TCF12: variants seen among roughly 807,000 people sequenced by gnomAD.
The protein encoded by TCF12 is DNA-binding protein HTF4.
TCF12 carries 45 observed loss-of-function variants against 86.0 expected under a neutral mutation model. The observed-to-expected ratio is 0.52, with a 90% confidence interval of 0.41 to 0.67. TCF12 has a LOEUF of 0.67. Among genes scored for constraint, TCF12 ranks in the 30% least tolerant of loss-of-function variants. The pLI is 0.00. For missense variants in TCF12, 881 were observed against 859.9 expected, an observed-to-expected ratio of 1.02 and a Z score of -0.31; for synonymous variants, 330 against 299.6, an observed-to-expected ratio of 1.10 and a Z score of -1.05.
intron 3 of TCF12, among the ~76,000 whole-genome samples, chr15:56,998,468 A>G (rs935644313): frequency 6.6e-6 from 1 of 152,058 alleles, no homozygotes; most frequent in South Asian, 2.1e-4. Flanking sequence ...AAAAAAAAAA[A>G]AAAAAAAAAT....
intron 4 of TCF12, among the ~76,000 whole-genome samples, chr15:57,089,473 C>T (rs1339134885): frequency 6.6e-6 from 1 of 151,908 alleles, no homozygotes; most frequent in African/African-American, 2.4e-5. Context: ...GGGTAAAAGA[C>T]ACTACATGTA....
Position 57,171,639 on chromosome 15 carries a change from G to A in TCF12, c.390+5173G>A, listed in dbSNP as rs1286366702. On this transcript the variant is annotated intron_variant, in intron 6 of 20. Coordinates refer to ENST00000333725, the MANE Select transcript of TCF12 (RefSeq NM_207037.2). ...GGGCCTTACTTCATGTTAAGATGAT[G>A]TAATAATATGTTGCTAAATGAGTGT... is the stretch of plus-strand genomic sequence containing the variant. Among the ~76,000 whole-genome samples, 3 of 152,274 alleles carry A rather than the reference G, an allele frequency of 2.0e-5. No individual in the cohort carries two copies. The East Asian group carries it at 5.8e-4, about 29-fold the overall frequency.
intron 3 of TCF12, among the ~76,000 whole-genome samples, chr15:56,976,224 CTTTTTT>C (rs35959497): frequency 1.7e-5 from 1 of 57,380 alleles, no homozygotes; most frequent in African/African-American, 7.1e-5. Flanking sequence ...AAGGAAGTTT[CTTTTTT>C]TTTTTTTTTT....
intron 3 of TCF12, among the ~76,000 whole-genome samples, chr15:56,988,356 C>T (rs1295181332): frequency 6.6e-6 from 1 of 152,122 alleles, no homozygotes; most frequent in Non-Finnish European, 1.5e-5. Flanking sequence ...GCATGTTACT[C>T]ATCTTAGTAT....
intron 5 of TCF12, among the ~76,000 whole-genome samples, chr15:57,110,615 G>T (rs1377034734): frequency 6.6e-6 from 1 of 152,180 alleles, no homozygotes; most frequent in Non-Finnish European, 1.5e-5. Flanking sequence ...AATAATGCAA[G>T]AGTAGTAATG....
intron 12 of TCF12, among the ~76,000 whole-genome samples, chr15:57,239,648 G>A (rs907672842): frequency 3.3e-5 from 5 of 152,118 alleles, no homozygotes; most frequent in African/African-American, 1.2e-4. Context: ...ATTTAAAGTG[G>A]TGTCATGGCA....
intron 8 of TCF12, among the ~76,000 whole-genome samples, chr15:57,228,139 C>T (rs1330243384): frequency 6.6e-6 from 1 of 152,014 alleles, no homozygotes; most frequent in Non-Finnish European, 1.5e-5. Context: ...GACTATTTCC[C>T]TACATCTGGA....
chr15:56,927,595 A>G (rs2060071474), intron 3 of TCF12, among the ~76,000 whole-genome samples: 1 of 152,126 alleles, frequency 6.6e-6, no homozygotes, highest in Non-Finnish European at 1.5e-5. Flanking sequence ...CTTGACCTTT[A>G]TGGATTTTTG....
intron 3 of TCF12, among the ~76,000 whole-genome samples, chr15:57,055,110 T>C (rs1466320276): frequency 2.6e-5 from 4 of 152,012 alleles, no homozygotes; most frequent in African/African-American, 9.7e-5. Context: ...AACATTATCC[T>C]TCAACCTGGG....
chr15:57,225,794 C>T (rs1195552324), intron 8 of TCF12, among the ~76,000 whole-genome samples: 1 of 152,008 alleles, frequency 6.6e-6, no homozygotes, highest in Admixed American at 6.6e-5. Context: ...GAGAAAGAGA[C>T]ATGGGTTGTA....
intron 3 of TCF12, among the ~76,000 whole-genome samples, chr15:57,032,213 A>G (rs1271703179): frequency 6.6e-6 from 1 of 152,210 alleles, no homozygotes; most frequent in Non-Finnish European, 1.5e-5. Flanking sequence ...GGTATGAGAT[A>G]GAACTCCACC....
chr15:57,094,115 T>C (rs1198927139), intron 5 of TCF12, among the ~76,000 whole-genome samples: 2 of 152,194 alleles, frequency 1.3e-5, no homozygotes, highest in East Asian at 3.8e-4. Flanking sequence ...TTTGAGCTCC[T>C]GGCCTCAAGT....
chr15:57,089,622 TTTG>T, intron 4 of TCF12, among the ~76,000 whole-genome samples: 1 of 152,174 alleles, frequency 6.6e-6, no homozygotes, highest in Non-Finnish European at 1.5e-5. Context: ...GTTTTTACTT[TTTG>T]TTGTTCAAGA....
At chr15:57,035,705 AC>A in intron 3 of TCF12, among the ~76,000 whole-genome samples, 1 of 152,136 alleles carries the variant, frequency 6.6e-6, no homozygotes. Context: ...GGAAAAAAAC[AC>A]CAAAAGCCTG....
At chr15:57,019,364 A>G (rs2065337652) in intron 3 of TCF12, among the ~76,000 whole-genome samples, 1 of 152,238 alleles carries the variant, frequency 6.6e-6, no homozygotes, top group African/African-American at 2.4e-5. Flanking sequence ...CCCACTGCAC[A>G]GATAAACCCA....
intron 4 of TCF12, among the ~76,000 whole-genome samples, chr15:57,082,684 G>A (rs967154971): frequency 2.4e-4 from 37 of 152,150 alleles, no homozygotes; most frequent in African/African-American, 8.4e-4. Flanking sequence ...GAGCTTTCAT[G>A]ATGCAGCAAG....
At chr15:57,191,272 T>A (rs951466395) in intron 6 of TCF12, among the ~76,000 whole-genome samples, 4 of 152,254 alleles carry the variant, frequency 2.6e-5, no homozygotes, top group Admixed American at 6.5e-5. Flanking sequence ...AAGACCAGCC[T>A]GGGCAATATA....
chr15:57,283,446 G>A (rs1209585853), intron 20 of TCF12, among the ~76,000 whole-genome samples: 2 of 152,006 alleles, frequency 1.3e-5, no homozygotes, highest in African/African-American at 4.8e-5. Context: ...TGTATTTTTA[G>A]TAGAGATGGG....
At chr15:57,282,327 T>C (rs2061728082) in intron 19 of TCF12, 118 bp from the exon 20 acceptor site, 1 of 1,196,842 alleles carries the variant, frequency 8.4e-7, no homozygotes, top group African/African-American at 1.5e-5. Flanking sequence ...TTGTTTCTTC[T>C]ATGTGATGGT....
Sources: allele counts gnomAD v4.1 joint callset (sites outside exome capture counted in the v4.1 genomes callset), GRCh38; gene constraint gnomAD v4.1.1; transcripts MANE v1.5; gene names NCBI Gene and HGNC (gene_info 2026-07-23, HGNC 2026-07-21).